TUSC3: variants seen among roughly 807,000 people sequenced by gnomAD.
TUSC3 encodes dolichyl-diphosphooligosaccharide--protein glycosyltransferase subunit TUSC3.
TUSC3 carries 45 observed loss-of-function variants against 44.8 expected under a neutral mutation model. The observed-to-expected ratio is 1.00, with a 90% CI of 0.79 to 1.29. The LOEUF (loss-of-function observed/expected upper bound fraction) is 1.29, where lower values mean the gene tolerates loss of function less well. Ranked by LOEUF, TUSC3 falls within the 50% of genes most tolerant of loss-of-function variation. TUSC3 has a pLI of 0.00. For synonymous variants in TUSC3, 212 were observed against 152.9 expected (o/e 1.39, Z -2.85); for missense variants, 519 against 437.9 (o/e 1.19, Z -1.65).
intron 1 of TUSC3, among the ~76,000 whole-genome samples, chr8:15,465,853 A>G (rs1585055319): frequency 6.6e-6 from 1 of 152,252 alleles, no homozygotes; most frequent in African/African-American, 2.4e-5. Context: ...CTTTAGGTTC[A>G]AGGTGTCTTC....
chr8:15,752,047 A>G (rs1043590611), intron 9 of TUSC3, among the ~76,000 whole-genome samples: 1 of 152,128 alleles, frequency 6.6e-6, no homozygotes, highest in Non-Finnish European at 1.5e-5. Context: ...AAATACATAC[A>G]TCCATGAACC....
In TUSC3 at chr8:15,603,288, A is replaced by G. The variant is rs1804370241; in HGVS notation, c.139-19792A>G. On this transcript the variant is annotated intron_variant, in intron 1 of 10. Transcript: ENST00000503731. ...TATAATGTCATTAAACATCATGGAT[A>G]TGAAAATTAGAGGAATATTGAGATG... 2.6e-5 allele frequency among the ~76,000 whole-genome samples: 4 copies of G among 151,774 alleles called. No homozygotes were observed. In the South Asian group the frequency reaches 8.3e-4, roughly 31 times the overall value.
chr8:15,506,817 C>T (rs1004234723), intron 2 of TUSC3, among the ~76,000 whole-genome samples: 5 of 152,162 alleles, frequency 3.3e-5, no homozygotes, highest in African/African-American at 1.2e-4. Context: ...AACCAAATCA[C>T]AGCCATTCCA....
At chr8:15,671,591 C>G (rs1464949597) in intron 5 of TUSC3, among the ~76,000 whole-genome samples, 4 of 151,944 alleles carry the variant, frequency 2.6e-5, no homozygotes, top group Admixed American at 2.6e-4. Context: ...AGGTTTGAAC[C>G]TGGTTTTGTT....
intron 6 of TUSC3, among the ~76,000 whole-genome samples, chr8:15,706,672 A>G: frequency 6.6e-6 from 1 of 152,066 alleles, no homozygotes; most frequent in Non-Finnish European, 1.5e-5. Context: ...TAATATACGA[A>G]TAAATATTTC....
intron 1 of TUSC3, among the ~76,000 whole-genome samples, chr8:15,419,590 G>GA (rs1439770159): frequency 2.0e-5 from 3 of 151,976 alleles, no homozygotes; most frequent in South Asian, 2.1e-4. Flanking sequence ...ATACGTGTGT[G>GA]AAAAAAACAC....
the TUSC3 span, among the ~76,000 whole-genome samples, chr8:15,787,815 T>C: frequency 6.6e-6 from 1 of 152,200 alleles, no homozygotes; most frequent in East Asian, 1.9e-4. Context: ...TTCACGTAAT[T>C]TCTTCCCATT....
At chr8:15,584,670 T>C (rs1027448390) in intron 1 of TUSC3, among the ~76,000 whole-genome samples, 1 of 151,856 alleles carries the variant, frequency 6.6e-6, no homozygotes, top group African/African-American at 2.4e-5. Context: ...TGATGGAGGC[T>C]GCCCGTTGGA....
intron 5 of TUSC3, among the ~76,000 whole-genome samples, chr8:15,667,584 ATAGT>A (rs1477118069): frequency 6.6e-6 from 1 of 151,760 alleles, no homozygotes; most frequent in Non-Finnish European, 1.5e-5. Flanking sequence ...TATTTTCTGC[ATAGT>A]TAGCATTAAA....
chr8:15,698,887 C>T (rs1809281453), intron 6 of TUSC3, among the ~76,000 whole-genome samples: 1 of 151,142 alleles, frequency 6.6e-6, no homozygotes, highest in Non-Finnish European at 1.5e-5. Context: ...CTCCTGTGGC[C>T]CAGGCTGGAG....
chr8:15,605,973 G>C (rs990761468), intron 1 of TUSC3, among the ~76,000 whole-genome samples: 3 of 151,976 alleles, frequency 2.0e-5, no homozygotes, highest in African/African-American at 7.2e-5. Context: ...CATCTCTCCA[G>C]TGAGTTGCAT....
intron 2 of TUSC3, among the ~76,000 whole-genome samples, chr8:15,630,954 G>C (rs1459991614): frequency 1.3e-5 from 2 of 152,112 alleles, no homozygotes; most frequent in African/African-American, 2.4e-5. Flanking sequence ...TAAAGCACTT[G>C]TAAGTATATT....
At chr8:15,703,454 G>C (rs760284658) in intron 6 of TUSC3, among the ~76,000 whole-genome samples, 2 of 152,060 alleles carry the variant, frequency 1.3e-5, no homozygotes, top group Admixed American at 6.6e-5. Context: ...ACATTCATTA[G>C]TGATATTGAA....
chr8:15,503,448 T>C (rs1800997335), intron 2 of TUSC3, among the ~76,000 whole-genome samples: 1 of 152,190 alleles, frequency 6.6e-6, no homozygotes, highest in South Asian at 2.1e-4. Flanking sequence ...TAGGACCTTC[T>C]TCTTCTGCCC....
At chr8:15,483,649 ATTTTTT>A (rs60092911) in intron 2 of TUSC3, among the ~76,000 whole-genome samples, 695 of 66,158 alleles carry the variant, frequency 0.011, 28 homozygotes, top group African/African-American at 0.033. Flanking sequence ...TAGCACTGTG[ATTTTTT>A]TTTTTTTTTT....
At chr8:15,573,139 C>A (rs1802941302) in intron 1 of TUSC3, among the ~76,000 whole-genome samples, 1 of 139,530 alleles carries the variant, frequency 7.2e-6, no homozygotes, top group Non-Finnish European at 1.5e-5. Flanking sequence ...GTTTGCTTAA[C>A]TATTGCTTCA....
At chr8:15,519,189 G>C (rs1292221407) in intron 2 of TUSC3, among the ~76,000 whole-genome samples, 2 of 152,042 alleles carry the variant, frequency 1.3e-5, no homozygotes, top group Admixed American at 6.6e-5. Context: ...TGAGAATAAT[G>C]ATCATGTTTT....
intron 6 of TUSC3, among the ~76,000 whole-genome samples, chr8:15,692,371 C>CCCCCCTTTT (rs1563175839): frequency 1.6e-4 from 3 of 18,822 alleles, no homozygotes; most frequent in African/African-American, 3.5e-4. Flanking sequence ...CCCCCCCCCC[C>CCCCCCTTTT]TTTGTTTTTT....
At chr8:15,739,326 C>G (rs1336774380) in intron 7 of TUSC3, among the ~76,000 whole-genome samples, 1 of 151,898 alleles carries the variant, frequency 6.6e-6, no homozygotes, top group Non-Finnish European at 1.5e-5. Flanking sequence ...TTGGGAATAG[C>G]TTTATAGGAG....
Sources: allele counts gnomAD v4.1 joint callset (sites outside exome capture counted in the v4.1 genomes callset), GRCh38; gene constraint gnomAD v4.1.1; transcripts MANE v1.5; gene names NCBI Gene and HGNC (gene_info 2026-07-23, HGNC 2026-07-21).